SLC16A12: variants seen among roughly 807,000 people sequenced by gnomAD.
SLC16A12 encodes the protein solute carrier family 16 member 12.
A neutral mutation model predicts 42.4 loss-of-function variants in SLC16A12; 17 were observed. The observed-to-expected ratio is 0.40, with a 90% CI of 0.27 to 0.60. The LOEUF (loss-of-function observed/expected upper bound fraction) is 0.60. Ranked by LOEUF, SLC16A12 falls within the 20% of genes least tolerant of loss-of-function variation. The pLI is 0.42. For synonymous variants in SLC16A12, 224 were observed against 229.4 expected (o/e 0.98, Z 0.21); for missense variants, 544 against 623.0 (o/e 0.87, Z 1.35).
At chr10:89,475,506 C>T (rs932232514) in intron 2 of SLC16A12, among the ~76,000 whole-genome samples, 3 of 152,208 alleles carry the variant, frequency 2.0e-5, no homozygotes, top group Non-Finnish European at 2.9e-5. Context: ...TGACATTACA[C>T]ATGTGCCATG....
At position 89,441,091 on chromosome 10, in the gene SLC16A12, G is replaced by A; in HGVS notation, c.448+17C>T. 6.2e-7 allele frequency: 1 copy of A among 1,613,688 alleles called. No individual in the cohort carries two copies. Among genetic ancestry groups the A allele is most frequent in the Non-Finnish European group, 8.5e-7 (1 of 1,179,698 alleles). On this transcript the variant is annotated intron_variant, in intron 5 of 7. Transcript: ENST00000371790. Reference sequence around the variant, plus strand: ...TGAATGGAGTGGGGTGAGACAGGTGGTACAAAGTGCCCTTACCTGTAAGAA... The same window carrying A: ...TGAATGGAGTGGGGTGAGACAGGTGATACAAAGTGCCCTTACCTGTAAGAA...
chr10:89,522,785 TA>T lies in SLC16A12; in HGVS notation c.-47+11715del, dbSNP rs1482449070. Among the ~76,000 whole-genome samples the T allele has an allele frequency of 2.0e-5, 3 of 152,200 alleles. No homozygotes were observed. In the East Asian group the frequency reaches 5.8e-4, roughly 29 times the overall value. On this transcript the variant is annotated intron_variant, in intron 2 of 7. Coordinates refer to ENST00000371790, the MANE Select transcript of SLC16A12 (RefSeq NM_213606.4). Reference sequence around the variant, plus strand: ...TACTTTAGTTACCTCAATTGTAAATTAAGACAATTCCATCTTCAAAAGGTTG... The same window carrying T: ...TACTTTAGTTACCTCAATTGTAAATTAGACAATTCCATCTTCAAAAGGTTG...
In SLC16A12 at chr10:89,443,060, G is replaced by A. The variant is rs189710078; in HGVS notation, c.304+696C>T. ...ATTTTAAACAAATGCCAGGTTTGTT[G>A]TCCTCTACTACACAGATGGAATGTT... On this transcript the variant is annotated intron_variant, in intron 4 of 7. Coordinates refer to ENST00000371790, the MANE Select transcript of SLC16A12 (RefSeq NM_213606.4). Among the ~76,000 whole-genome samples, 429 of 152,260 alleles carry A rather than the reference G, an allele frequency of 2.8e-3. 2 individuals carry two copies. The highest frequency in any genetic ancestry group is 9.9e-3 in the African/African-American group (411 of 41,542).
chr10:89,516,939 A>G (rs1843262189), intron 2 of SLC16A12, among the ~76,000 whole-genome samples: 1 of 152,230 alleles, frequency 6.6e-6, no homozygotes, highest in African/African-American at 2.4e-5. Context: ...AAATAAAAAT[A>G]GTACCAGGCA....
intron 2 of SLC16A12, among the ~76,000 whole-genome samples, chr10:89,505,272 C>G (rs990043138): frequency 3.3e-5 from 5 of 151,748 alleles, no homozygotes; most frequent in African/African-American, 1.2e-4. Context: ...AAAAATTAGC[C>G]TGGCGTGGTG....
At chr10:89,493,605 T>C (rs1218849663) in intron 2 of SLC16A12, among the ~76,000 whole-genome samples, 1 of 152,196 alleles carries the variant, frequency 6.6e-6, no homozygotes, top group East Asian at 1.9e-4. Flanking sequence ...GCTTATATGA[T>C]TGTCCAAGAT....
chr10:89,436,908 G>GAAAGAAAGAAAGAAA (rs1564567595), intron 6 of SLC16A12, among the ~76,000 whole-genome samples: 1 of 148,248 alleles, frequency 6.7e-6, no homozygotes, highest in African/African-American at 2.6e-5. Context: ...AAGAAAGAAA[G>GAAAGAAAGAAAGAAA]AAAGAAAAAG....
At chr10:89,450,245 T>C (rs1320892663) in intron 3 of SLC16A12, among the ~76,000 whole-genome samples, 1 of 152,196 alleles carries the variant, frequency 6.6e-6, no homozygotes, top group Non-Finnish European at 1.5e-5. Context: ...TTTGACCCAG[T>C]GATCCTGTTA....
chr10:89,452,978 C>A (rs1006265817), intron 3 of SLC16A12, among the ~76,000 whole-genome samples: 10 of 152,206 alleles, frequency 6.6e-5, no homozygotes, highest in Admixed American at 3.9e-4. Flanking sequence ...GTACACCCTG[C>A]AGCTAAGGCC....
At chr10:89,550,554 G>T (rs926407100) in intron 2 of SLC16A12, among the ~76,000 whole-genome samples, 1 of 152,094 alleles carries the variant, frequency 6.6e-6, no homozygotes, top group Non-Finnish European at 1.5e-5. Flanking sequence ...ATCAAAATTA[G>T]ACCATATTGC....
intron 2 of SLC16A12, among the ~76,000 whole-genome samples, chr10:89,553,531 CTT>C (rs560535657): frequency 1.7e-3 from 254 of 152,308 alleles, no homozygotes; most frequent in African/African-American, 5.7e-3. Flanking sequence ...TTTGTAGCTA[CTT>C]GATGACTCAA....
Position 89,438,826 on chromosome 10 carries a change from C to A in SLC16A12, c.806G>T (p.Cys269Phe). ...TKEWAQTCLC[C>F]CLQQEYSFLL... ...AAAACTGTACTCTTGCTGCAAACAG[C>A]AACAGAGGCAAGTCTGTGCCCATTC... is the stretch of plus-strand genomic sequence containing the variant. The change falls in exon 6 of 8, where the codon TGC (cysteine) becomes TTC (phenylalanine). Residue 269 changes from cysteine (C) to phenylalanine (F), a missense_variant. Transcript: ENST00000371790. 6.2e-7 allele frequency: 1 copy of A among 1,614,162 alleles called. No individual in the cohort carries two copies. The highest frequency in any genetic ancestry group is 8.5e-7 in the Non-Finnish European group (1 of 1,180,048).
At chr10:89,437,206 G>A (rs1039319723) in intron 6 of SLC16A12, among the ~76,000 whole-genome samples, 13 of 152,182 alleles carry the variant, frequency 8.5e-5, no homozygotes, top group Admixed American at 3.3e-4. Flanking sequence ...CAGAGATGAT[G>A]GAGGTCTTGG....
intron 3 of SLC16A12, among the ~76,000 whole-genome samples, chr10:89,454,370 A>G (rs1442222870): frequency 6.6e-6 from 1 of 152,070 alleles, no homozygotes; most frequent in African/African-American, 2.4e-5. Flanking sequence ...CATTCACACC[A>G]GCACCTTTCT....
At chr10:89,483,117 C>A (rs1842692587) in intron 2 of SLC16A12, among the ~76,000 whole-genome samples, 1 of 151,192 alleles carries the variant, frequency 6.6e-6, no homozygotes, top group Non-Finnish European at 1.5e-5. Context: ...TTTTTTTTTG[C>A]AATGTGCTCA....
intron 2 of SLC16A12, among the ~76,000 whole-genome samples, chr10:89,486,639 GAAAGAAAGAAAGAAAGAAAGAAAGA>G (rs1347502603): frequency 0.027 from 1,303 of 48,344 alleles, 43 homozygotes; most frequent in East Asian, 0.096. Flanking sequence ...AAGAAAGAAA[GAAAGAAAGAAAGAAAGAAAGAAAGA>G]AAAGAAAGAA....
At chr10:89,436,868 A>AAAAG (rs370756736) in intron 6 of SLC16A12, among the ~76,000 whole-genome samples, 13,940 of 120,412 alleles carry the variant, frequency 0.12, 938 homozygotes, top group East Asian at 0.19. Flanking sequence ...GAAATAAAGA[A>AAAAG]AAAGAAAGAA....
chr10:89,458,248 G>T (rs149973499), intron 3 of SLC16A12, among the ~76,000 whole-genome samples: 102 of 152,228 alleles, frequency 6.7e-4, no homozygotes, highest in African/African-American at 2.3e-3. Context: ...TATACCTCTG[G>T]CCAAACGAGG....
Position 89,441,188 on chromosome 10 carries a change from A to C in SLC16A12, c.368T>G (p.Leu123Trp), listed in dbSNP as rs753361613. 1.9e-5 allele frequency: 30 copies of C among 1,614,014 alleles called. No individual in the cohort carries two copies. The highest frequency in any genetic ancestry group is 2.5e-5 in the Non-Finnish European group (30 of 1,179,922). Residue 123 changes from leucine to tryptophan, a missense_variant, in exon 5 of 8, where the codon TTG becomes TGG. Transcript: ENST00000371790. ...CAGGATGAGTCCAGTAGATGCAAGC[A>C]AGCCACCCAGCATGATTCCCACTTG... ...SCQVGIMLGG[L>W]LASTGLILSS...
Sources: allele counts gnomAD v4.1 joint callset (sites outside exome capture counted in the v4.1 genomes callset), GRCh38; gene constraint gnomAD v4.1.1; transcripts MANE v1.5; gene names NCBI Gene and HGNC (gene_info 2026-07-23, HGNC 2026-07-21).